The following ACD variants were observed in gnomAD, a reference collection of about 807,000 sequenced individuals.
ACD encodes ACD shelterin complex subunit and telomerase recruitment factor, also known as adrenocortical dysplasia protein homolog.
Under a neutral mutation model 53.9 loss-of-function variants are expected in ACD, and 39 were observed. The observed-to-expected ratio is 0.72, with a 90% CI of 0.56 to 0.95. The LOEUF is 0.95. Among genes scored for constraint, ACD ranks in the 40% least tolerant of loss-of-function variants. ACD has a pLI of 0.00. For synonymous variants in ACD, 273 were observed against 249.2 expected (o/e 1.10, Z -0.90); for missense variants, 526 against 587.9 (o/e 0.89, Z 1.09).
At chr16:67,658,418 T>C in intron 9 of ACD, 56 bp from the exon 10 acceptor site, 1 of 1,610,904 alleles carries the variant, frequency 6.2e-7, no homozygotes, top group Admixed American at 1.7e-5. Context: ...GGCAGCTGAG[T>C]GGCCTGCGAG....
In ACD at chr16:67,659,209, C is replaced by G. The variant is rs371315332; in HGVS notation, c.493+20G>C. 6.2e-7 allele frequency: 1 copy of G among 1,614,058 alleles called. No homozygotes were observed. Among genetic ancestry groups the G allele is most frequent in the East Asian group, 2.2e-5 (1 of 44,880 alleles). ...ATCACTGCACAGCGTGTTAGGATCA[C>G]TGGTCAAGCTCTACAGTACCTGCAT... On this transcript the variant is annotated intron_variant, in intron 6 of 11. Coordinates refer to ENST00000620761, the MANE Select transcript of ACD (RefSeq NM_001082486.2).
chr16:67,659,100 G>T, intron 6 of ACD, 21 bp from the exon 7 acceptor site: 1 of 1,613,006 alleles, frequency 6.2e-7, no homozygotes, highest in Non-Finnish European at 8.5e-7. Flanking sequence ...GGGACCATGG[G>T]ATGAGTCAAG....
Position 67,659,260 on chromosome 16 carries a change from C to T in ACD, c.462G>A (p.Glu154=). ...VQKKLYDCLE[E]HLSESTSSNA... is the part of the protein sequence containing the mutation. The stretch of plus-strand genomic sequence containing the variant: ...TGGACGAGGTGGACTCTGAAAGGTG[C>T]TCCCTACAGGAAGAGAGTGGCCAGG... The change falls in exon 6 of 12, where the codon GAG becomes GAA. Residue 154 remains glutamate (E), a synonymous_variant. Transcript: ENST00000620761. 1 of 1,614,112 alleles carries T rather than the reference C, an allele frequency of 6.2e-7. No individual in the cohort carries two copies. Among genetic ancestry groups the T allele is most frequent in the Non-Finnish European group, 8.5e-7 (1 of 1,180,008 alleles).
At position 67,659,694 on chromosome 16, in the gene ACD, C is replaced by A. The variant is rs193208247; in HGVS notation, c.336+8G>T. The A allele has an allele frequency of 6.2e-6, 10 of 1,613,172 alleles. No individual in the cohort carries two copies. In the East Asian group the frequency reaches 2.0e-4, roughly 32 times the overall value. ...CGGTAACCCGCCCAAGGCAGTCTCA[C>A]CACTCACCGCGCCGCCCTCAGCGAC... On this transcript the variant is annotated splice_region_variant and intron_variant, in intron 3 of 11. Coordinates refer to ENST00000620761, the MANE Select transcript of ACD (RefSeq NM_001082486.2).
Position 67,658,056 on chromosome 16 carries a change from G to A in ACD, c.1136C>T (p.Pro379Leu). The A allele has an allele frequency of 6.4e-7, 1 of 1,553,968 alleles. No homozygotes were observed. The highest frequency in any genetic ancestry group is 8.7e-7 in the Non-Finnish European group (1 of 1,151,432). Residue 379 changes from proline to leucine, a missense_variant, in exon 10 of 12, where the codon CCC (proline) becomes CTC (leucine). Transcript: ENST00000620761. ...GGGAAAAGGCGGCCGATTCTTGCAGGGCAACCCTACAAACTCCTTGAACTC... is the reference window on the plus strand; with the variant it reads ...GGGAAAAGGCGGCCGATTCTTGCAGAGCAACCCTACAAACTCCTTGAACTC... ...SLEFKEFVGL[P>L]CKNRPPFPRT...
Position 67,657,615 on chromosome 16 carries a change from AGTTG to A in ACD, c.1364_1367del (p.Pro455LeufsTer?), listed in dbSNP as rs772312742. 7 of 1,614,090 alleles carry A rather than the reference AGTTG, an allele frequency of 4.3e-6. No homozygotes were observed. The highest frequency in any genetic ancestry group is 3.3e-5 in the Admixed American group (2 of 60,014). On this transcript the variant is annotated frameshift_variant, in exon 12 of 12. Coordinates refer to ENST00000620761, the MANE Select transcript of ACD (RefSeq NM_001082486.2). LOFTEE classifies it high-confidence loss of function. This position sits in a 1 kb window ranked among gnomAD's most constrained non-coding sequence, Gnocchi z 4.5. ...TGTCCTGCGTGACGTCTCACATCGG[AGTTG>A]GCTCAGACCCTGGCTGTGCATCCAT...
intron 9 of ACD, 62 bp downstream of exon 9, chr16:67,658,493 C>A: frequency 6.3e-7 from 1 of 1,577,154 alleles, no homozygotes; most frequent in Admixed American, 1.7e-5. Context: ...CAGCATCCTG[C>A]GCAGCCCGGG....
In ACD at chr16:67,657,512, T is replaced by C; in HGVS notation, c.*94A>G. On this transcript the variant is annotated 3_prime_UTR_variant, in exon 12 of 12. Transcript: ENST00000620761. The surrounding 1 kb of genome is among the most constrained non-coding windows in gnomAD (Gnocchi z 4.5). ...CAGACCAAAGAGGCGGCGGCCCCAA[T>C]CCCTGATCCTCTCCTCTCCTGCCGC... The C allele has an allele frequency of 6.2e-7, 1 of 1,613,286 alleles. No individual in the cohort carries two copies. The highest frequency in any genetic ancestry group is 8.5e-7 in the Non-Finnish European group (1 of 1,179,642).
rs754351563 is a variant in ACD at position 67,659,037 on chromosome 16, T to C, written c.536A>G (p.Gln179Arg). The C allele has an allele frequency of 1.2e-6, 2 of 1,613,942 alleles. No individual in the cohort carries two copies. Among genetic ancestry groups the C allele is most frequent in the Admixed American group, 3.3e-5 (2 of 60,024 alleles). The part of the protein sequence containing the change: ...SQLLDEMRED[Q>R]EHQGALVCLA... ...GCACACGAGTGCCCCCTGATGCTCCTGGTCCTCCCGCATTTCATCCAGAAG... is the reference window on the plus strand; with the variant it reads ...GCACACGAGTGCCCCCTGATGCTCCCGGTCCTCCCGCATTTCATCCAGAAG... Residue 179 changes from glutamine to arginine, a missense_variant, in exon 7 of 12, where the codon CAG becomes CGG. By Grantham distance (43) the Gln-to-Arg change is conservative (BLOSUM62 1). Coordinates refer to ENST00000620761, the MANE Select transcript of ACD (RefSeq NM_001082486.2).
intron 1 of ACD, 32 bp downstream of exon 1, chr16:67,660,090 C>T: frequency 1.2e-6 from 2 of 1,611,572 alleles, no homozygotes; most frequent in South Asian, 1.1e-5. Context: ...CGGGCCTCCG[C>T]CTCGGTCTCC....
intron 3 of ACD, 40 bp downstream of exon 3, chr16:67,659,662 T>C: frequency 6.2e-7 from 1 of 1,611,146 alleles, no homozygotes; most frequent in Non-Finnish European, 8.5e-7. Context: ...TCACGAAGAG[T>C]CATGCCCGGT....
chr16:67,659,190 G>A (rs1567641408), intron 6 of ACD, 39 bp downstream of exon 6: 2 of 1,613,764 alleles, frequency 1.2e-6, no homozygotes, highest in Non-Finnish European at 1.7e-6. Context: ...AGAGATCACT[G>A]CACAGCGTGT....
chr16:67,659,312 T>C, intron 5 of ACD, 49 bp from the exon 6 acceptor site: 1 of 1,614,016 alleles, frequency 6.2e-7, no homozygotes, highest in Non-Finnish European at 8.5e-7. Flanking sequence ...GAGGCCTGTC[T>C]ACCTAGATAC....
rs747553547 is a variant in ACD, at chr16:67,660,060, C to T, written c.100-15G>A. The T allele has an allele frequency of 5.6e-6, 9 of 1,607,880 alleles. No individual in the cohort carries two copies. In the Admixed American group the frequency reaches 1.5e-4, roughly 27 times the overall value. On this transcript the variant is annotated splice_polypyrimidine_tract_variant and intron_variant, in intron 1 of 11. Transcript: ENST00000620761. ...TCCTGTAGTACCTGACGGCGGCGAGCGGCGTCAATCCCACCACCCCGGGCC... is the reference window on the plus strand; with the variant it reads ...TCCTGTAGTACCTGACGGCGGCGAGTGGCGTCAATCCCACCACCCCGGGCC...
intron 2 of ACD, 22 bp from the exon 3 acceptor site, chr16:67,659,817 C>T (rs2052965015): frequency 6.3e-7 from 1 of 1,595,342 alleles, no homozygotes. Flanking sequence ...AGGATCCTCA[C>T]TGCCGGGCCC....
In ACD at chr16:67,660,214, C is replaced by T; in HGVS notation, c.7G>A (p.Gly3Ser). ...GGCCGTAGGACCAGCCTCCCCGAAC[C>T]TGCCATCCCCACGGCTACACCCAGC... MA[G>S]SGRLVLRPWI... Residue 3 changes from glycine to serine, a missense_variant, in exon 1 of 12, where the codon GGT becomes AGT. Physicochemically the swap from Gly to Ser is moderately conservative, Grantham distance 56. Coordinates refer to ENST00000620761, the MANE Select transcript of ACD (RefSeq NM_001082486.2). 1 of 1,612,732 alleles carries T rather than the reference C, an allele frequency of 6.2e-7. No individual in the cohort carries two copies.
In ACD at chr16:67,658,825, C is replaced by T. The variant is rs2052932705; in HGVS notation, c.646-9G>A. 1.2e-6 allele frequency: 2 copies of T among 1,609,116 alleles called. No individual in the cohort carries two copies. The highest frequency in any genetic ancestry group is 1.7e-6 in the Non-Finnish European group (2 of 1,176,620). On this transcript the variant is annotated splice_polypyrimidine_tract_variant and intron_variant, in intron 7 of 11. Coordinates refer to ENST00000620761, the MANE Select transcript of ACD (RefSeq NM_001082486.2). ...GTGTACACAGCTTCTCCCTGTGGGA[C>T]ATGAACTCTGTAGGACAGGCCCGTT... is the stretch of plus-strand genomic sequence containing the variant.
Position 67,658,562 on chromosome 16 carries a change from A to T in ACD, c.822T>A (p.Ser274Arg). 6.4e-7 allele frequency: 1 copy of T among 1,566,390 alleles called. No individual in the cohort carries two copies. Among genetic ancestry groups the T allele is most frequent in the Non-Finnish European group, 8.7e-7 (1 of 1,154,276 alleles). Reference protein sequence around the residue: ...TLIASPPSSPSSSGTPALPGH... With the variant: ...TLIASPPSSPRSSGTPALPGH... ...ACCTGTGCATCACCTCACCTGAGGA[A>T]CTGGGTGAGGAAGGAGGAGAGGCTA... The change falls in exon 9 of 12, where the codon AGT becomes AGA. Residue 274 changes from serine to arginine, a missense_variant. Physicochemically the swap from Ser to Arg is moderately radical, Grantham distance 110. Transcript: ENST00000620761.
chr16:67,659,248 C>G lies in ACD; in HGVS notation c.474G>C (p.Glu158Asp). 2 of 1,614,128 alleles carry G rather than the reference C, an allele frequency of 1.2e-6. No individual in the cohort carries two copies. Among genetic ancestry groups the G allele is most frequent in the Non-Finnish European group, 1.7e-6 (2 of 1,180,010 alleles). The change falls in exon 6 of 12, where the codon GAG becomes GAC. Residue 158 changes from glutamate (E) to aspartate (D), a missense_variant. Coordinates refer to ENST00000620761, the MANE Select transcript of ACD (RefSeq NM_001082486.2). ...CAGTACCTGCATTGGACGAGGTGGA[C>G]TCTGAAAGGTGCTCCCTACAGGAAG... is the stretch of plus-strand genomic sequence containing the variant. Reference protein sequence around the residue: ...LYDCLEEHLSESTSSNAGLSL... With the variant: ...LYDCLEEHLSDSTSSNAGLSL...
Sources: gnomAD v4.1 joint callset for allele counts on GRCh38, gnomAD v4.1.1 for gene constraint, Gnocchi (gnomAD v3.1) non-coding constraint, MANE v1.5 for transcripts, NCBI Gene and HGNC (gene_info 2026-07-23, HGNC 2026-07-21) for gene names.